Variants in GPHN observed in about 807,000 individuals in gnomAD.
The protein encoded by GPHN is gephyrin.
GPHN carries 17 observed loss-of-function variants against 95.5 expected under a neutral mutation model. The observed-to-expected ratio is 0.18, with a 90% CI of 0.12 to 0.27. The LOEUF is 0.27. GPHN is among the 10% of genes least tolerant of loss of function. The pLI, the probability that GPHN is intolerant of heterozygous loss-of-function variation, is 1.00. For missense variants in GPHN, 660 were observed against 978.1 expected, an observed-to-expected ratio of 0.67 and a Z score of 4.34; for synonymous variants, 320 against 322.5, an observed-to-expected ratio of 0.99 and a Z score of 0.08.
chr14:67,685,022 G>C, the GPHN span: 2 of 1,607,434 alleles, frequency 1.2e-6, no homozygotes, highest in Non-Finnish European at 1.7e-6. Flanking sequence ...TACCTGAAAT[G>C]ATTCCCACTT....
intron 1 of GPHN, among the ~76,000 whole-genome samples, chr14:66,586,871 A>G (rs1367391863): frequency 6.6e-6 from 1 of 152,200 alleles, no homozygotes; most frequent in East Asian, 1.9e-4. Context: ...ATAAATCCCT[A>G]GTTTATAGTA....
At chr14:66,779,811 G>A (rs1019982921) in intron 3 of GPHN, among the ~76,000 whole-genome samples, 8 of 152,152 alleles carry the variant, frequency 5.3e-5, no homozygotes, top group Middle Eastern at 3.4e-3. Context: ...AAAATTATGG[G>A]ATTCCTTTAT....
At chr14:67,435,369 C>T in the GPHN span, among the ~76,000 whole-genome samples, 1 of 152,268 alleles carries the variant, frequency 6.6e-6, no homozygotes, top group African/African-American at 2.4e-5. Context: ...GAGGGCAGAG[C>T]TCTCATGATC....
At chr14:66,763,486 C>T (rs1005197638) in intron 2 of GPHN, among the ~76,000 whole-genome samples, 7 of 144,212 alleles carry the variant, frequency 4.9e-5, no homozygotes, top group Non-Finnish European at 7.5e-5. Flanking sequence ...TGAGAATAGG[C>T]GGTGTTTGGT....
At chr14:66,570,352 T>C (rs1350710891) in intron 1 of GPHN, among the ~76,000 whole-genome samples, 1 of 151,028 alleles carries the variant, frequency 6.6e-6, no homozygotes, top group African/African-American at 2.4e-5. Flanking sequence ...TTGCCCAGGC[T>C]TGAGTGCAGT....
At chr14:67,277,521 T>C in the GPHN span, among the ~76,000 whole-genome samples, 4 of 152,244 alleles carry the variant, frequency 2.6e-5, no homozygotes, top group East Asian at 7.7e-4. Context: ...CATTGTGCTC[T>C]AACCAACTTG....
At chr14:67,393,282 C>A in the GPHN span, 10 of 1,411,196 alleles carry the variant, frequency 7.1e-6, no homozygotes, top group Non-Finnish European at 1.0e-5. Context: ...ACCCTCATCA[C>A]GCGGGCAGGT....
At chr14:66,555,998 C>G (rs969720125) in intron 1 of GPHN, among the ~76,000 whole-genome samples, 8 of 152,106 alleles carry the variant, frequency 5.3e-5, no homozygotes, top group African/African-American at 1.9e-4. Flanking sequence ...TACTACACAC[C>G]TAGGCTATAT....
the GPHN span, among the ~76,000 whole-genome samples, chr14:67,329,877 A>AATAAATAG: frequency 3.5e-5 from 3 of 86,874 alleles, no homozygotes; most frequent in Non-Finnish European, 5.3e-5. Flanking sequence ...TAAATAAATA[A>AATAAATAG]ATAGATATAG....
chr14:67,562,692 C>A, the GPHN span: 1 of 1,612,428 alleles, frequency 6.2e-7, no homozygotes, highest in South Asian at 1.1e-5. Context: ...GAGGCCTTCT[C>A]AGCCCTCCAC....
At chr14:66,623,114 G>T (rs1415764374) in intron 1 of GPHN, among the ~76,000 whole-genome samples, 1 of 152,138 alleles carries the variant, frequency 6.6e-6, no homozygotes, top group African/African-American at 2.4e-5. Context: ...TCACAATCAT[G>T]GCAGAAGGCA....
the GPHN span, chr14:67,579,375 G>A: frequency 7.6e-7 from 1 of 1,311,130 alleles, no homozygotes; most frequent in Non-Finnish European, 1.0e-6. Context: ...GAATACCCCT[G>A]GGCCTTAGGC....
chr14:67,289,658 C>A, the GPHN span, among the ~76,000 whole-genome samples: 3 of 151,802 alleles, frequency 2.0e-5, no homozygotes, highest in African/African-American at 7.3e-5. Context: ...AAAAATTTAA[C>A]TGCTGTTCAA....
intron 1 of GPHN, chr14:66,509,199 T>G (rs535001287): frequency 6.5e-6 from 1 of 154,466 alleles, no homozygotes; most frequent in South Asian, 2.0e-4. Context: ...GGGATCGGCT[T>G]GCGTCCGGAC....
At chr14:66,597,218 A>C (rs997047547) in intron 1 of GPHN, among the ~76,000 whole-genome samples, 3 of 152,164 alleles carry the variant, frequency 2.0e-5, no homozygotes, top group Non-Finnish European at 2.9e-5. Context: ...GAAGACATGG[A>C]TCAAAACAAA....
the GPHN span, among the ~76,000 whole-genome samples, chr14:67,581,327 C>T: frequency 6.6e-6 from 1 of 152,010 alleles, no homozygotes; most frequent in African/African-American, 2.4e-5. Flanking sequence ...ACAGACCAGA[C>T]CACCCTGGGC....
chr14:66,604,943 G>A (rs1168665622), intron 1 of GPHN, among the ~76,000 whole-genome samples: 1 of 142,898 alleles, frequency 7.0e-6, no homozygotes, highest in Non-Finnish European at 1.5e-5. Flanking sequence ...ACGCTTACAA[G>A]TGAGAACATA....
At chr14:66,909,362 A>G (rs1344955941) in intron 5 of GPHN, among the ~76,000 whole-genome samples, 1 of 152,092 alleles carries the variant, frequency 6.6e-6, no homozygotes, top group East Asian at 1.9e-4. Flanking sequence ...CTAGAAAATG[A>G]TAGTAGAAAA....
At position 66,884,342 on chromosome 14, in the gene GPHN, C is replaced by T. The variant is rs79625413; in HGVS notation, c.389+4309C>T. ...CGTCATCAGGTAATCACTGTGTACT[C>T]TATAAACAATCGGTAGGAGAGAGAA... is the stretch of plus-strand genomic sequence containing the variant. On this transcript the variant is annotated intron_variant, in intron 5 of 22. Coordinates refer to ENST00000478722, the MANE Select transcript of GPHN (RefSeq NM_020806.5). Among the ~76,000 whole-genome samples the T allele has an allele frequency of 3.0e-3, 455 of 152,164 alleles. 3 individuals are homozygous for T. The highest frequency in any genetic ancestry group is 0.011 in the African/African-American group (437 of 41,550).
Sources: allele counts gnomAD v4.1 joint callset (sites outside exome capture counted in the v4.1 genomes callset), GRCh38; gene constraint gnomAD v4.1.1; transcripts MANE v1.5; gene names NCBI Gene and HGNC (gene_info 2026-07-23, HGNC 2026-07-21).